The following KCND2 variants were observed in gnomAD, a reference collection of about 807,000 sequenced individuals.
KCND2 encodes the protein potassium voltage-gated channel subfamily D member 2.
Under a neutral mutation model 54.4 loss-of-function variants are expected in KCND2, and 16 were observed. The observed-to-expected ratio is 0.29, with a 90% CI of 0.20 to 0.45. KCND2 has a LOEUF of 0.45. Among genes scored for constraint, KCND2 ranks in the 20% least tolerant of loss-of-function variants. The probability of loss-of-function intolerance (pLI) is 1.00; values close to 1 mark genes in which losing one functional copy is unlikely to be tolerated. For missense variants in KCND2, 486 were observed against 824.2 expected (o/e 0.59, Z 5.02); for synonymous variants, 317 against 310.7 (o/e 1.02, Z -0.21).
At chr7:120,550,736 G>T (rs1440582229) in intron 1 of KCND2, among the ~76,000 whole-genome samples, 2 of 152,080 alleles carry the variant, frequency 1.3e-5, no homozygotes, top group Admixed American at 6.6e-5. Context: ...AGAACAGTTT[G>T]CCTTTATGTT....
intron 1 of KCND2, among the ~76,000 whole-genome samples, chr7:120,704,274 A>C (rs1792438677): frequency 1.3e-5 from 2 of 152,226 alleles, no homozygotes; most frequent in Non-Finnish European, 2.9e-5. Context: ...CATTTCTAAA[A>C]TATCAGAATT....
At chr7:120,415,891 G>A (rs576049032) in intron 1 of KCND2, among the ~76,000 whole-genome samples, 2 of 152,178 alleles carry the variant, frequency 1.3e-5, no homozygotes, top group East Asian at 3.9e-4. Context: ...TTAAAGAAAG[G>A]GACAGGCATC....
intron 1 of KCND2, among the ~76,000 whole-genome samples, chr7:120,728,788 A>G (rs141214179): frequency 6.8e-4 from 103 of 152,210 alleles, no homozygotes; most frequent in African/African-American, 2.3e-3. Context: ...TCTAAAGAAA[A>G]ACAGAAAGAA....
chr7:120,526,629 A>C (rs1791777248), intron 1 of KCND2, among the ~76,000 whole-genome samples: 1 of 152,166 alleles, frequency 6.6e-6, no homozygotes. Context: ...GCCAATAAAC[A>C]ATAAAAACAA....
At chr7:120,690,263 T>G (rs557153342) in intron 1 of KCND2, among the ~76,000 whole-genome samples, 20 of 152,348 alleles carry the variant, frequency 1.3e-4, no homozygotes, top group Non-Finnish European at 2.2e-4. Context: ...TTCTTTAGAA[T>G]GGCTTTTAAA....
rs901580924 is a variant in KCND2 at position 120,274,247 on chromosome 7, T to C, written c.-386T>C. The C allele has an allele frequency of 1.5e-5, 5 of 335,510 alleles. No individual in the cohort carries two copies. The highest frequency in any genetic ancestry group is 2.8e-5 in the Non-Finnish European group (5 of 179,088). The allele number at this position is 335,510 out of a possible 1,614,324, so 20.8% of individuals were successfully genotyped here. On this transcript the variant is annotated 5_prime_UTR_variant, in exon 1 of 6. Coordinates refer to ENST00000331113, the MANE Select transcript of KCND2 (RefSeq NM_012281.3). ...CTCGTTCGTCTTCTCTATCCTACAC[T>C]CCACATACTGACCCTATATTATCCA...
At chr7:120,537,326 T>C (rs899503052) in intron 1 of KCND2, among the ~76,000 whole-genome samples, 9 of 152,212 alleles carry the variant, frequency 5.9e-5, no homozygotes, top group East Asian at 1.9e-4. Context: ...TAAACCATGC[T>C]GTAAACCCAT....
chr7:120,466,897 C>G (rs548588150), intron 1 of KCND2, among the ~76,000 whole-genome samples: 27 of 152,242 alleles, frequency 1.8e-4, no homozygotes, highest in African/African-American at 5.5e-4. Flanking sequence ...CATTTCTTGG[C>G]TTGTGGCCCC....
intron 1 of KCND2, among the ~76,000 whole-genome samples, chr7:120,615,865 A>C (rs936677758): frequency 2.0e-5 from 3 of 152,204 alleles, no homozygotes; most frequent in African/African-American, 4.8e-5. Flanking sequence ...AACTGGGTCA[A>C]ACCACATGAA....
chr7:120,726,301 C>T (rs543056685), intron 1 of KCND2, among the ~76,000 whole-genome samples: 4 of 152,092 alleles, frequency 2.6e-5, no homozygotes, highest in African/African-American at 9.7e-5. Context: ...AAGTTCAATA[C>T]CACAAGCAGG....
chr7:120,277,290 A>G (rs747890068), intron 1 of KCND2, among the ~76,000 whole-genome samples: 3 of 152,082 alleles, frequency 2.0e-5, no homozygotes, highest in Non-Finnish European at 2.9e-5. Flanking sequence ...AATTTGTGAC[A>G]GTTTATAAGG....
intron 1 of KCND2, among the ~76,000 whole-genome samples, chr7:120,641,400 T>C (rs1195235023): frequency 6.6e-6 from 1 of 152,174 alleles, no homozygotes; most frequent in Non-Finnish European, 1.5e-5. Context: ...CAGCCAAGCC[T>C]TCCCCTCCCC....
At chr7:120,653,201 A>ATTTTTTTTTTTTTTTTTTTTTTTT (rs34093547) in intron 1 of KCND2, among the ~76,000 whole-genome samples, 1 of 137,752 alleles carries the variant, frequency 7.3e-6, no homozygotes, top group Non-Finnish European at 1.6e-5. Context: ...GCCTGGCTAC[A>ATTTTTTTTTTTTTTTTTTTTTTTT]TTTTTTTTTT....
chr7:120,602,476 T>A (rs980923671), intron 1 of KCND2, among the ~76,000 whole-genome samples: 3 of 152,198 alleles, frequency 2.0e-5, no homozygotes, highest in African/African-American at 7.2e-5. Flanking sequence ...ACGTCAGCAT[T>A]GGGAAACCAG....
intron 1 of KCND2, among the ~76,000 whole-genome samples, chr7:120,295,391 C>G (rs868437899): frequency 1.8e-3 from 221 of 124,246 alleles, no homozygotes; most frequent in Non-Finnish European, 2.9e-3. Context: ...CACACACACA[C>G]AGACACACAC....
At chr7:120,527,125 T>C (rs1178954516) in intron 1 of KCND2, among the ~76,000 whole-genome samples, 2 of 152,088 alleles carry the variant, frequency 1.3e-5, no homozygotes, top group African/African-American at 4.8e-5. Flanking sequence ...CTAACATATA[T>C]CGTTACACAG....
At chr7:120,561,068 CT>C (rs1374750458) in intron 1 of KCND2, among the ~76,000 whole-genome samples, 1 of 152,136 alleles carries the variant, frequency 6.6e-6, no homozygotes, top group Non-Finnish European at 1.5e-5. Context: ...AACGATCAAT[CT>C]TTTGAAACAG....
intron 1 of KCND2, among the ~76,000 whole-genome samples, chr7:120,329,842 T>TA (rs1352413927): frequency 6.6e-6 from 1 of 152,236 alleles, no homozygotes; most frequent in African/African-American, 2.4e-5. Flanking sequence ...GTGAATTTCT[T>TA]AATTTAGACA....
At chr7:120,364,161 C>A (rs1800634752) in intron 1 of KCND2, among the ~76,000 whole-genome samples, 1 of 152,162 alleles carries the variant, frequency 6.6e-6, no homozygotes. Context: ...GACTTACTTT[C>A]ACAATTTCTA....
Sources: gnomAD v4.1 joint callset for allele counts (sites outside exome capture counted in the v4.1 genomes callset) on GRCh38, gnomAD v4.1.1 for gene constraint, MANE v1.5 for transcripts, NCBI Gene and HGNC (gene_info 2026-07-23, HGNC 2026-07-21) for gene names.